Variants in MAP2 observed in about 807,000 individuals in gnomAD.
MAP2 encodes microtubule-associated protein 2.
Under a neutral mutation model 137.6 loss-of-function variants are expected in MAP2, and 14 were observed. The observed-to-expected ratio is 0.10, with a 90% CI of 0.07 to 0.16. The LOEUF (loss-of-function observed/expected upper bound fraction) is 0.16. Among genes scored for constraint, MAP2 ranks in the 10% least tolerant of loss-of-function variants. MAP2 has a pLI of 1.00. For synonymous variants in MAP2, 786 were observed against 782.3 expected (o/e 1.00, Z -0.08); for missense variants, 2,088 against 2,191.5 (o/e 0.95, Z 0.94).
chr2:209,434,831 CTCTA>C (rs1176446853), intron 1 of MAP2, among the ~76,000 whole-genome samples: 3,293 of 110,246 alleles, frequency 0.03, 241 homozygotes, highest in African/African-American at 0.14. Flanking sequence ...CTCTCTCTCT[CTCTA>C]TATATATATA....
chr2:209,599,071 C>A (rs1378528613), intron 3 of MAP2, among the ~76,000 whole-genome samples: 13 of 152,234 alleles, frequency 8.5e-5, no homozygotes, highest in East Asian at 1.9e-4. Flanking sequence ...CCAACAGTGT[C>A]AAAGTGTTCC....
chr2:209,586,094 A>G (rs1367046859), intron 3 of MAP2, among the ~76,000 whole-genome samples: 1 of 152,144 alleles, frequency 6.6e-6, no homozygotes, highest in Non-Finnish European at 1.5e-5. Flanking sequence ...ATGAATGAGT[A>G]AATAAGGATA....
At chr2:209,570,402 A>G (rs552869433) in intron 2 of MAP2, among the ~76,000 whole-genome samples, 1 of 152,038 alleles carries the variant, frequency 6.6e-6, no homozygotes, top group South Asian at 2.1e-4. Flanking sequence ...GCACTTTACT[A>G]AACCTAATTA....
chr2:209,657,309 A>T (rs2041411950), intron 5 of MAP2, among the ~76,000 whole-genome samples: 2 of 152,212 alleles, frequency 1.3e-5, no homozygotes, highest in Non-Finnish European at 2.9e-5. Context: ...AGATTGCTGG[A>T]TCGAATGGTA....
intron 4 of MAP2, among the ~76,000 whole-genome samples, chr2:209,636,006 T>G (rs2093527172): frequency 1.3e-5 from 2 of 152,168 alleles, no homozygotes. Flanking sequence ...CAAATCATTC[T>G]TCCTAAGAAG....
rs757229807 is a variant in MAP2 at position 209,696,098 on chromosome 2, C to G, written c.3928C>G (p.Arg1310Gly). 1 of 1,613,838 alleles carries G rather than the reference C, an allele frequency of 6.2e-7. No homozygotes were observed. The highest frequency in any genetic ancestry group is 8.5e-7 in the Non-Finnish European group (1 of 1,179,924). Reference sequence around the variant, plus strand: ...AGGGGAGTCAGGGTCCCACAGCGTGCGTTTTGCAGCCCTAGAGCAGCCTGA... The same window carrying G: ...AGGGGAGTCAGGGTCCCACAGCGTGGGTTTTGCAGCCCTAGAGCAGCCTGA... ...DEGESGSHSV[R>G]FAALEQPEVE... The change falls in exon 8 of 16, where the codon CGT (arginine) becomes GGT (glycine). Residue 1310 changes from arginine to glycine, a missense_variant. Physicochemically the swap from Arg to Gly is moderately radical, Grantham distance 125. Coordinates refer to ENST00000682079, the MANE Select transcript of MAP2 (RefSeq NM_001375505.1).
rs192390121 is a variant in MAP2 at position 209,442,138 on chromosome 2, A to T, written c.-222+17862A>T. ...GCTTCAGAAAGGCCCAGATGTTCTA[A>T]CCAGGGCTACATACATAGAGTATAC... On this transcript the variant is annotated intron_variant, in intron 1 of 15. Transcript: ENST00000682079. 1.5e-4 allele frequency among the ~76,000 whole-genome samples: 23 copies of T among 151,754 alleles called. No individual in the cohort carries two copies. In the East Asian group the frequency reaches 4.1e-3, roughly 27 times the overall value.
intron 3 of MAP2, among the ~76,000 whole-genome samples, chr2:209,615,918 A>T (rs1256159559): frequency 6.6e-6 from 1 of 152,122 alleles, no homozygotes. Flanking sequence ...CTCACAAACC[A>T]ATCAGCACAC....
chr2:209,535,484 C>T (rs945008720), intron 2 of MAP2, among the ~76,000 whole-genome samples: 2 of 151,820 alleles, frequency 1.3e-5, no homozygotes, highest in South Asian at 2.1e-4. Flanking sequence ...AGCATCTTTT[C>T]GTCTCTCATA....
chr2:209,517,362 T>C (rs997691938), intron 2 of MAP2, among the ~76,000 whole-genome samples: 6 of 152,144 alleles, frequency 3.9e-5, no homozygotes, highest in African/African-American at 1.4e-4. Context: ...GATGCAAACA[T>C]CAAGTACTTC....
Position 209,692,869 on chromosome 2 carries a change from C to T in MAP2, c.699C>T (p.Ser233=). ...LALFGHTLVA[S]LEDMKQKTEP... ...TGTTTGGGCACACTCTTGTTGCCAG[C>T]CTGGAAGACATGAAACAGAAGACAG... The change falls in exon 8 of 16, where the codon AGC becomes AGT. Residue 233 remains serine (S), a synonymous_variant. Coordinates refer to ENST00000682079, the MANE Select transcript of MAP2 (RefSeq NM_001375505.1). The T allele has an allele frequency of 6.2e-7, 1 of 1,613,884 alleles. No homozygotes were observed. Among genetic ancestry groups the T allele is most frequent in the South Asian group, 1.1e-5 (1 of 91,044 alleles).
intron 1 of MAP2, among the ~76,000 whole-genome samples, chr2:209,427,199 TAAGATA>T (rs771747755): frequency 6.6e-5 from 10 of 152,162 alleles, no homozygotes; most frequent in Non-Finnish European, 1.3e-4. Context: ...CTTAACAGAT[TAAGATA>T]AAGAATCTGA....
At chr2:209,663,599 A>G (rs1342150166) in intron 5 of MAP2, among the ~76,000 whole-genome samples, 1 of 152,208 alleles carries the variant, frequency 6.6e-6, no homozygotes, top group African/African-American at 2.4e-5. Flanking sequence ...AGAGTAAAAT[A>G]CAGTTGATTT....
At chr2:209,574,972 T>C (rs1308283051) in intron 2 of MAP2, among the ~76,000 whole-genome samples, 2 of 152,330 alleles carry the variant, frequency 1.3e-5, no homozygotes. Context: ...TCTACAAAGG[T>C]CATTCCAAAA....
Position 209,618,869 on chromosome 2 carries a change from T to C in MAP2, c.-106-6184T>C, listed in dbSNP as rs191983894. Among the ~76,000 whole-genome samples the C allele has an allele frequency of 3.3e-5, 5 of 152,292 alleles. No individual in the cohort carries two copies. The East Asian group carries it at 7.7e-4, about 23-fold the overall frequency. On this transcript the variant is annotated intron_variant, in intron 3 of 15. Transcript: ENST00000682079. ...AACATTATTCACAATAGCCAAGATA[T>C]GGAATCAACCTGTGTCCATCAACTG...
At chr2:209,522,212 T>C (rs2063380960) in intron 2 of MAP2, among the ~76,000 whole-genome samples, 1 of 151,986 alleles carries the variant, frequency 6.6e-6, no homozygotes, top group Non-Finnish European at 1.5e-5. Context: ...GACAGTAATA[T>C]AAATTCCAAG....
At position 209,692,663 on chromosome 2, in the gene MAP2, C is replaced by G; in HGVS notation, c.493C>G (p.Gln165Glu). ...CTCGAAGATGGAGTTCCACGATCAA[C>G]AGGAATTGACTCCCTCTACAGCTGA... ...TASKMEFHDQ[Q>E]ELTPSTAEPS... Residue 165 changes from glutamine to glutamate, a missense_variant, in exon 8 of 16, where the codon CAG becomes GAG. Around this residue, in one of 6 missense-constraint regions of MAP2, gnomAD observed 859 missense variants for 794.5 expected, o/e 1.08. Transcript: ENST00000682079. 1 of 1,591,278 alleles carries G rather than the reference C, an allele frequency of 6.3e-7. No homozygotes were observed. Among genetic ancestry groups the G allele is most frequent in the Non-Finnish European group, 8.5e-7 (1 of 1,173,618 alleles).
chr2:209,600,214 AG>A (rs1382685983), intron 3 of MAP2, among the ~76,000 whole-genome samples: 1 of 152,226 alleles, frequency 6.6e-6, no homozygotes, highest in Non-Finnish European at 1.5e-5. Flanking sequence ...ACACATCGAC[AG>A]GTGAAAAGCA....
intron 13 of MAP2, chr2:209,723,733 C>T: frequency 7.6e-7 from 1 of 1,309,816 alleles, no homozygotes; most frequent in South Asian, 1.2e-5. Flanking sequence ...TGCGTGGAGC[C>T]ACCTGCACAG....
Sources: gnomAD v4.1 joint callset for allele counts (sites outside exome capture counted in the v4.1 genomes callset) on GRCh38, gnomAD v4.1.1 for gene constraint, gnomAD v4.1.1 regional missense constraint, MANE v1.5 for transcripts, NCBI Gene and HGNC (gene_info 2026-07-23, HGNC 2026-07-21) for gene names.